Variants in SLC24A2 observed in about 807,000 individuals in gnomAD.
The protein encoded by SLC24A2 is sodium/potassium/calcium exchanger 2.
Under a neutral mutation model 62.0 loss-of-function variants are expected in SLC24A2, and 36 were observed. The observed-to-expected ratio is 0.58, with a 90% CI of 0.44 to 0.77. The LOEUF (loss-of-function observed/expected upper bound fraction) is 0.77. Ranked by LOEUF, SLC24A2 falls within the 30% of genes least tolerant of loss-of-function variation. The pLI is 0.00. For synonymous variants in SLC24A2, 358 were observed against 294.0 expected, an observed-to-expected ratio of 1.22 and a Z score of -2.23; for missense variants, 846 against 817.9, an observed-to-expected ratio of 1.03 and a Z score of -0.42.
intron 5 of SLC24A2, among the ~76,000 whole-genome samples, chr9:19,590,328 A>C (rs1286828049): frequency 6.6e-6 from 1 of 152,070 alleles, no homozygotes; most frequent in Non-Finnish European, 1.5e-5. Flanking sequence ...GCCAACAGTA[A>C]ATCTCCTAGA....
At chr9:20,179,210 G>A in the SLC24A2 span, among the ~76,000 whole-genome samples, 1 of 152,108 alleles carries the variant, frequency 6.6e-6, no homozygotes, top group Non-Finnish European at 1.5e-5. Context: ...AGGGGACTGT[G>A]CCTTGCTTGT....
At chr9:19,529,901 C>T (rs1262981666) in intron 8 of SLC24A2, among the ~76,000 whole-genome samples, 1 of 151,682 alleles carries the variant, frequency 6.6e-6, no homozygotes, top group Non-Finnish European at 1.5e-5. Context: ...AGGCACCTGC[C>T]ACCACACCCC....
chr9:20,085,850 A>C, the SLC24A2 span, among the ~76,000 whole-genome samples: 2 of 152,172 alleles, frequency 1.3e-5, no homozygotes, highest in African/African-American at 2.4e-5. Flanking sequence ...TGTTCACTAC[A>C]TTAATTTTTT....
chr9:20,161,838 G>A, the SLC24A2 span, among the ~76,000 whole-genome samples: 1 of 151,200 alleles, frequency 6.6e-6, no homozygotes, highest in African/African-American at 2.4e-5. Context: ...CTTAGTTAAT[G>A]AGGATATGCT....
At chr9:20,083,214 C>T in the SLC24A2 span, among the ~76,000 whole-genome samples, 2 of 152,224 alleles carry the variant, frequency 1.3e-5, no homozygotes, top group African/African-American at 2.4e-5. Flanking sequence ...AAGTGCATTG[C>T]CAATACCTTT....
intron 7 of SLC24A2, among the ~76,000 whole-genome samples, chr9:19,559,720 C>A (rs1462930016): frequency 1.3e-5 from 2 of 152,188 alleles, no homozygotes; most frequent in African/African-American, 4.8e-5. Flanking sequence ...AATCACACTA[C>A]ACATTTCACA....
At chr9:19,851,023 ACATATTTTT>A in the SLC24A2 span, among the ~76,000 whole-genome samples, 2 of 55,584 alleles carry the variant, frequency 3.6e-5, no homozygotes, top group Non-Finnish European at 7.1e-5. Context: ...ATATATATAT[ACATATTTTT>A]TTTTTTTTTT....
the SLC24A2 span, among the ~76,000 whole-genome samples, chr9:20,279,733 T>G: frequency 3.3e-5 from 5 of 152,120 alleles, no homozygotes; most frequent in Non-Finnish European, 1.5e-5. Flanking sequence ...AAGATAAGAT[T>G]ACATGTTAAG....
At chr9:19,765,104 C>G (rs1264682262) in intron 2 of SLC24A2, among the ~76,000 whole-genome samples, 1 of 151,926 alleles carries the variant, frequency 6.6e-6, no homozygotes, top group African/African-American at 2.4e-5. Context: ...TTATCAGAGA[C>G]TAGGATTGCA....
intron 4 of SLC24A2, 134 bp from the exon 5 acceptor site, chr9:19,597,413 G>A: frequency 1.4e-6 from 1 of 701,350 alleles, no homozygotes. Context: ...ATGGAGATGT[G>A]CAAACATGGG....
At chr9:20,050,681 G>T in the SLC24A2 span, among the ~76,000 whole-genome samples, 1 of 152,194 alleles carries the variant, frequency 6.6e-6, no homozygotes, top group Non-Finnish European at 1.5e-5. Context: ...GAAACTCAAT[G>T]ACGTGAATAC....
chr9:20,024,356 T>TAC, the SLC24A2 span, among the ~76,000 whole-genome samples: 23 of 151,980 alleles, frequency 1.5e-4, no homozygotes, highest in East Asian at 7.7e-4. Context: ...TCCACAAACA[T>TAC]ACACACACAC....
the SLC24A2 span, among the ~76,000 whole-genome samples, chr9:20,225,951 G>C: frequency 2.0e-5 from 3 of 152,130 alleles, no homozygotes; most frequent in East Asian, 3.9e-4. Context: ...GAGGAAGAGA[G>C]AGAGGGAAGA....
chr9:20,015,548 C>A, the SLC24A2 span, among the ~76,000 whole-genome samples: 1 of 152,220 alleles, frequency 6.6e-6, no homozygotes, highest in African/African-American at 2.4e-5. Flanking sequence ...GCAAATGTCA[C>A]TGTGGCCAAC....
the SLC24A2 span, among the ~76,000 whole-genome samples, chr9:19,824,997 A>G: frequency 5.9e-5 from 9 of 152,144 alleles, no homozygotes; most frequent in Non-Finnish European, 7.3e-5. Flanking sequence ...AGGGAGGGGA[A>G]CATCACACAC....
chr9:19,733,599 G>T (rs140378919), intron 2 of SLC24A2, among the ~76,000 whole-genome samples: 20 of 152,286 alleles, frequency 1.3e-4, no homozygotes, highest in African/African-American at 4.6e-4. Context: ...GAAAAATCAT[G>T]AATAGAGGAA....
chr9:20,112,645 G>A, the SLC24A2 span, among the ~76,000 whole-genome samples: 1 of 152,068 alleles, frequency 6.6e-6, no homozygotes, highest in South Asian at 2.1e-4. Flanking sequence ...GTCAGTGTAC[G>A]GGAAGCCCTG....
At chr9:19,687,682 C>T (rs1819924398) in intron 2 of SLC24A2, among the ~76,000 whole-genome samples, 1 of 152,050 alleles carries the variant, frequency 6.6e-6, no homozygotes. Context: ...TTGGTACTTA[C>T]TTGCTCTCTG....
At chr9:19,789,284 T>G (rs1362258468), upstream of SLC24A2, among the ~76,000 whole-genome samples, 2 of 152,230 alleles carry the variant, frequency 1.3e-5, no homozygotes, top group African/African-American at 2.4e-5. Context: ...TACAGGTCGG[T>G]GACGCGCCTA....
Sources: allele counts gnomAD v4.1 joint callset (sites outside exome capture counted in the v4.1 genomes callset), GRCh38; gene constraint gnomAD v4.1.1; transcripts MANE v1.5; gene names NCBI Gene and HGNC (gene_info 2026-07-23, HGNC 2026-07-21).